The following TUBGCP6 variants were observed in gnomAD, a reference collection of about 807,000 sequenced individuals.
The protein encoded by TUBGCP6 is tubulin gamma complex component 6.
In TUBGCP6, 161 loss-of-function variants were observed where a neutral mutation model predicts 175.8. The observed-to-expected ratio is 0.92, with a 90% CI of 0.81 to 1.04. The LOEUF (loss-of-function observed/expected upper bound fraction) is 1.04. Ranked by LOEUF, TUBGCP6 falls within the 50% of genes least tolerant of loss-of-function variation. The pLI is 0.00. For synonymous variants in TUBGCP6, 1,173 were observed against 1,030.5 expected (o/e 1.14, Z -2.65); for missense variants, 2,572 against 2,433.0 (o/e 1.06, Z -1.20).
rs546917334 is a variant in TUBGCP6 at position 50,236,884 on chromosome 22, C to T, written c.905+3320G>A. ...CCCTGCAGCCACTTCCACCCCATCTCCTCCAGGACTGGCCCCCAGCACTGC... is the reference window on the plus strand; with the variant it reads ...CCCTGCAGCCACTTCCACCCCATCTTCTCCAGGACTGGCCCCCAGCACTGC... On this transcript the variant is annotated intron_variant, in intron 2 of 24. Transcript: ENST00000248846. Among the ~76,000 whole-genome samples, 5 of 152,306 alleles carry T rather than the reference C, an allele frequency of 3.3e-5. No individual in the cohort carries two copies. In the South Asian group the frequency reaches 1.0e-3, roughly 32 times the overall value.
chr22:50,240,158 T>G, intron 2 of TUBGCP6, 46 bp downstream of exon 2: 1 of 1,610,890 alleles, frequency 6.2e-7, no homozygotes, highest in Non-Finnish European at 8.5e-7. Flanking sequence ...GCCACGCTCA[T>G]GCAGGGGTAG....
In TUBGCP6 at chr22:50,229,437, C is replaced by G; in HGVS notation, c.1257G>C (p.Leu419=). ...CGAGGCCCTTGCTGTACAAAGAGTC[C>G]AGGACGGGCTGCAGAGAGAAATGAC... ...RLSHFSLQPV[L]DSLYSKGLVF... is the part of the protein sequence containing the mutation. Residue 419 remains leucine (L), a synonymous_variant, in exon 4 of 25, where the codon CTG becomes CTC. Coordinates refer to ENST00000248846, the MANE Select transcript of TUBGCP6 (RefSeq NM_020461.4). 6.2e-7 allele frequency: 1 copy of G among 1,613,556 alleles called. No individual in the cohort carries two copies. Among genetic ancestry groups the G allele is most frequent in the Non-Finnish European group, 8.5e-7 (1 of 1,179,920 alleles).
rs2064659711 is a variant in TUBGCP6 at position 50,229,385 on chromosome 22, C to A, written c.1290+19G>T. On this transcript the variant is annotated intron_variant, in intron 4 of 24. Coordinates refer to ENST00000248846, the MANE Select transcript of TUBGCP6 (RefSeq NM_020461.4). ...CGTTCTCACAAAGGTGTGTGACAAC[C>A]ATGAGGCAAAGGCCATACCTGGAAC... 6.2e-7 allele frequency: 1 copy of A among 1,609,814 alleles called. No individual in the cohort carries two copies. Among genetic ancestry groups the A allele is most frequent in the South Asian group, 1.1e-5 (1 of 90,852 alleles).
At position 50,221,226 on chromosome 22, in the gene TUBGCP6, G is replaced by C; in HGVS notation, c.3133C>G (p.Pro1045Ala). 1.2e-6 allele frequency: 2 copies of C among 1,614,202 alleles called. No homozygotes were observed. The highest frequency in any genetic ancestry group is 2.7e-5 in the African/African-American group (2 of 75,076). Reference sequence around the variant, plus strand: ...TGGGTGTTCCACCGTGGCCGGGTGGGAGCTATTTCAGAAGCGTAGTCCCCT... The same window carrying C: ...TGGGTGTTCCACCGTGGCCGGGTGGCAGCTATTTCAGAAGCGTAGTCCCCT... ...PTGDYASEIA[P>A]TRPRWNTHGH... is the part of the protein sequence containing the mutation. Residue 1045 changes from proline (P) to alanine (A), a missense_variant, in exon 16 of 25, where the codon CCC becomes GCC. Physicochemically the swap from Pro to Ala is conservative, Grantham distance 27. Transcript: ENST00000248846.
rs368478289 is a variant in TUBGCP6 at position 50,221,097 on chromosome 22, T to C, written c.3262A>G (p.Ile1088Val). 8 of 1,612,324 alleles carry C rather than the reference T, an allele frequency of 5.0e-6. No homozygotes were observed. Among genetic ancestry groups the C allele is most frequent in the Non-Finnish European group, 5.1e-6 (6 of 1,179,708 alleles). ...TCTGACACAGACTCCCCTAAGCTGA[T>C]GCTGGCATTGGATACGTGTCCGTGG... ...NTHGHVSNASISLGESVSDVA... is the reference protein window; with the variant it reads ...NTHGHVSNASVSLGESVSDVA... The change falls in exon 16 of 25, where the codon ATC becomes GTC. Residue 1088 changes from isoleucine (I) to valine (V), a missense_variant. Transcript: ENST00000248846.
intron 13 of TUBGCP6, 86 bp from the exon 14 acceptor site, chr22:50,222,678 A>G (rs1343158166): frequency 2.9e-5 from 46 of 1,559,946 alleles, no homozygotes; most frequent in South Asian, 1.7e-4. Flanking sequence ...ATGGTTCTCC[A>G]TAACAGAGGC....
chr22:50,224,709 C>A (rs1184133483), intron 10 of TUBGCP6, 117 bp from the exon 11 acceptor site: 7 of 965,788 alleles, frequency 7.2e-6, no homozygotes, highest in South Asian at 7.1e-5. Context: ...GAGTTCAAGA[C>A]CAGCCTGGAC....
rs1020548875 is a variant in TUBGCP6 at position 50,221,105 on chromosome 22, T to C, written c.3254A>G (p.Asn1085Ser). The C allele has an allele frequency of 2.7e-5, 44 of 1,612,538 alleles. No individual in the cohort carries two copies. Among genetic ancestry groups the C allele is most frequent in the Non-Finnish European group, 3.4e-5 (40 of 1,179,720 alleles). ...AGACTCCCCTAAGCTGATGCTGGCATTGGATACGTGTCCGTGGGTGTTCCA... is the reference window on the plus strand; with the variant it reads ...AGACTCCCCTAAGCTGATGCTGGCACTGGATACGTGTCCGTGGGTGTTCCA... ...PRWNTHGHVSNASISLGESVS... is the reference protein window; with the variant it reads ...PRWNTHGHVSSASISLGESVS... Residue 1085 changes from asparagine to serine, a missense_variant, in exon 16 of 25, where the codon AAT becomes AGT. Asn to Ser is a conservative substitution (Grantham distance 46). Transcript: ENST00000248846.
chr22:50,231,511 G>A (rs944428695), intron 3 of TUBGCP6, among the ~76,000 whole-genome samples: 2 of 151,554 alleles, frequency 1.3e-5, no homozygotes, highest in African/African-American at 4.8e-5. Flanking sequence ...ACAAAAAGCT[G>A]GCTCTTTGAA....
chr22:50,235,281 TATCCACATGCCTGTCCACGGCAAC>T (rs1484032679), intron 2 of TUBGCP6, among the ~76,000 whole-genome samples: 150 of 151,104 alleles, frequency 9.9e-4, no homozygotes, highest in Non-Finnish European at 1.7e-3. Flanking sequence ...TCCACATGCC[TATCCACATGCCTGTCCACGGCAAC>T]ATCCACATGC....
Position 50,229,479 on chromosome 22 carries a change from G to A in TUBGCP6, c.1215C>T (p.Thr405=), listed in dbSNP as rs761120406. ...SLLSEVAEYG[T]CYTRLSHFSL... ...AGAAATGACTCAGGCGCGTGTAGCA[G>A]GTCCCATACTCGGCCACTTCCGAGA... Residue 405 remains threonine (T), a synonymous_variant, in exon 4 of 25, where the codon ACC becomes ACT. Coordinates refer to ENST00000248846, the MANE Select transcript of TUBGCP6 (RefSeq NM_020461.4). 6 of 1,612,932 alleles carry A rather than the reference G, an allele frequency of 3.7e-6. No homozygotes were observed. The highest frequency in any genetic ancestry group is 3.3e-5 in the South Asian group (3 of 90,896).
rs769837372 is a variant in TUBGCP6, at chr22:50,226,710, C to T, written c.1601+23G>A. 2.1e-5 allele frequency: 32 copies of T among 1,557,124 alleles called. 1 individual carries two copies. Among genetic ancestry groups the T allele is most frequent in the East Asian group, 1.6e-4 (7 of 42,888 alleles). On this transcript the variant is annotated intron_variant, in intron 7 of 24. Coordinates refer to ENST00000248846, the MANE Select transcript of TUBGCP6 (RefSeq NM_020461.4). The stretch of plus-strand genomic sequence containing the variant: ...GCCTGGTGGGAGTGCGCGCCCGCCG[C>T]GCCTGCCCAGCCCACTGCCCACCGG...
rs750468397 is a variant in TUBGCP6 at position 50,218,250 on chromosome 22, C to T, written c.5107G>A (p.Val1703Met). The T allele has an allele frequency of 8.7e-6, 14 of 1,612,934 alleles. No homozygotes were observed. Among genetic ancestry groups the T allele is most frequent in the African/African-American group, 4.0e-5 (3 of 74,940 alleles). Reference sequence around the variant, plus strand: ...CGCTGGATCTCCTCCAGGTCGCCCACGGTGGCCAACCTGGCCCTGAACTCG... The same window carrying T: ...CGCTGGATCTCCTCCAGGTCGCCCATGGTGGCCAACCTGGCCCTGAACTCG... Reference protein sequence around the residue: ...WCEFRARLATVGDLEEIQRAH... With the variant: ...WCEFRARLATMGDLEEIQRAH... The change falls in exon 23 of 25, where the codon GTG (valine) becomes ATG (methionine). Residue 1703 changes from valine to methionine, a missense_variant. Physicochemically the swap from Val to Met is conservative, Grantham distance 21 (BLOSUM62 1). Coordinates refer to ENST00000248846, the MANE Select transcript of TUBGCP6 (RefSeq NM_020461.4).
At chr22:50,227,734 C>T (rs1038487646) in intron 5 of TUBGCP6, among the ~76,000 whole-genome samples, 173 bp downstream of exon 5, 2 of 152,314 alleles carry the variant, frequency 1.3e-5, no homozygotes, top group African/African-American at 4.8e-5. Flanking sequence ...CAGACACACC[C>T]GCTCAGCACC....
chr22:50,218,389 G>A lies in TUBGCP6; in HGVS notation c.4968C>T (p.His1656=), dbSNP rs200712570. 1.9e-6 allele frequency: 3 copies of A among 1,613,080 alleles called. No individual in the cohort carries two copies. Among genetic ancestry groups the A allele is most frequent in the Non-Finnish European group, 2.5e-6 (3 of 1,179,956 alleles). ...FHLKRTALLS[H]MAGSVQFRQL... ...GACGGAACTGCACAGAGCCGGCCAT[G>A]TGGCTCAGCAGGGCTGGCGGAGGGC... The change falls in exon 23 of 25, where the codon CAC becomes CAT. Residue 1656 remains histidine, a synonymous_variant. Transcript: ENST00000248846.
At position 50,219,753 on chromosome 22, in the gene TUBGCP6, C is replaced by G. The variant is rs1471496844; in HGVS notation, c.4206G>C (p.Glu1402Asp). Residue 1402 changes from glutamate (E) to aspartate (D), a missense_variant, in exon 18 of 25, where the codon GAG becomes GAC. Physicochemically the swap from Glu to Asp is conservative, Grantham distance 45. Transcript: ENST00000248846. Reference protein sequence around the residue: ...TAAQSSPGRGEEAEASAAEAQ... With the variant: ...TAAQSSPGRGDEAEASAAEAQ... ...CCTCCGCCGCCGATGCCTCCGCCTCCTCACCACGGCCTGGGCTGCTCTGGG... is the reference window on the plus strand; with the variant it reads ...CCTCCGCCGCCGATGCCTCCGCCTCGTCACCACGGCCTGGGCTGCTCTGGG... The G allele has an allele frequency of 1.9e-6, 3 of 1,613,856 alleles. No individual in the cohort carries two copies. Among genetic ancestry groups the G allele is most frequent in the Non-Finnish European group, 2.5e-6 (3 of 1,180,010 alleles).
chr22:50,239,878 G>A (rs1032472317), intron 2 of TUBGCP6, among the ~76,000 whole-genome samples: 1 of 152,210 alleles, frequency 6.6e-6, no homozygotes, highest in Non-Finnish European at 1.5e-5. Context: ...CTGCCTGGCA[G>A]GTGTGATCTG....
intron 24 of TUBGCP6, 30 bp from the exon 25 acceptor site, chr22:50,217,857 G>A (rs376446485): frequency 1.1e-4 from 171 of 1,611,988 alleles, no homozygotes; most frequent in Non-Finnish European, 1.4e-4. Context: ...TCAGGCTTTT[G>A]CCCACAGTGT....
chr22:50,226,172 G>A lies in TUBGCP6; in HGVS notation c.1711C>T (p.His571Tyr), dbSNP rs1009725842. 5 of 1,614,180 alleles carry A rather than the reference G, an allele frequency of 3.1e-6. No homozygotes were observed. The highest frequency in any genetic ancestry group is 3.4e-6 in the Non-Finnish European group (4 of 1,180,038). ...TCTTTGGAGATGAGCACGTAGCCAT[G>A]TGTCCAGTACAACTTATCTAAGGTA... ...LSFRDKLYWT[H>Y]GYVLISKEVE... is the part of the protein sequence containing the mutation. Residue 571 changes from histidine (H) to tyrosine (Y), a missense_variant, in exon 9 of 25, where the codon CAT (histidine) becomes TAT (tyrosine). Coordinates refer to ENST00000248846, the MANE Select transcript of TUBGCP6 (RefSeq NM_020461.4).
Sources: allele counts gnomAD v4.1 joint callset (sites outside exome capture counted in the v4.1 genomes callset), GRCh38; gene constraint gnomAD v4.1.1; transcripts MANE v1.5; gene names NCBI Gene and HGNC (gene_info 2026-07-23, HGNC 2026-07-21).